The following UBE2D2 variants were observed in gnomAD, a reference collection of about 807,000 sequenced individuals.
UBE2D2 encodes ubiquitin conjugating enzyme E2 D2.
In UBE2D2, 2 loss-of-function variants were observed where a neutral mutation model predicts 24.2. That is an observed-to-expected ratio of 0.08 (90% CI 0.03 to 0.26). The LOEUF is 0.26. Ranked by LOEUF, UBE2D2 falls within the 10% of genes least tolerant of loss-of-function variation. The probability of loss-of-function intolerance (pLI) is 1.00; values close to 1 mark genes in which losing one functional copy is unlikely to be tolerated. For missense variants in UBE2D2, 44 were observed against 177.6 expected, an observed-to-expected ratio of 0.25 and a Z score of 4.28; for synonymous variants, 58 against 56.5, an observed-to-expected ratio of 1.03 and a Z score of -0.12.
chr5:139,573,097 C>T (rs1311695184), intron 1 of UBE2D2, among the ~76,000 whole-genome samples: 3 of 151,964 alleles, frequency 2.0e-5, no homozygotes, highest in South Asian at 2.1e-4. Flanking sequence ...GTCAGGAGAT[C>T]GAGACCATCC....
intron 6 of UBE2D2, 38 bp downstream of exon 6, chr5:139,623,499 G>T (rs781331002): frequency 6.6e-7 from 1 of 1,520,054 alleles, no homozygotes; most frequent in Non-Finnish European, 9.1e-7. Context: ...ATCTGTGGTG[G>T]GATGGAGATG....
chr5:139,605,999 T>A (rs1302783170), intron 2 of UBE2D2, among the ~76,000 whole-genome samples: 1 of 152,118 alleles, frequency 6.6e-6, no homozygotes, highest in Non-Finnish European at 1.5e-5. Flanking sequence ...TGCCTCTGCC[T>A]CCCAAAGCCC....
intron 1 of UBE2D2, among the ~76,000 whole-genome samples, chr5:139,548,325 T>C (rs1752865957): frequency 2.6e-5 from 4 of 151,864 alleles, no homozygotes; most frequent in Admixed American, 2.6e-4. Context: ...CTATAAGATA[T>C]AGAGGAAGGT....
At chr5:139,537,285 GT>G (rs1366167608) in intron 1 of UBE2D2, among the ~76,000 whole-genome samples, 1 of 151,784 alleles carries the variant, frequency 6.6e-6, no homozygotes, top group East Asian at 1.9e-4. Flanking sequence ...ATTTTTAATA[GT>G]TTTTTGAAGC....
chr5:139,592,749 C>T (rs1313824976), intron 1 of UBE2D2, among the ~76,000 whole-genome samples: 3 of 147,740 alleles, frequency 2.0e-5, no homozygotes, highest in South Asian at 2.2e-4. Context: ...ACTACAGGCA[C>T]GTGCCACGAT....
intron 1 of UBE2D2, among the ~76,000 whole-genome samples, chr5:139,595,749 A>G (rs933007451): frequency 4.6e-5 from 7 of 152,158 alleles, no homozygotes; most frequent in Admixed American, 2.0e-4. Flanking sequence ...TTTATTTTTC[A>G]AATGGGCAAT....
chr5:139,574,090 T>C (rs975424404), intron 1 of UBE2D2, among the ~76,000 whole-genome samples: 2 of 151,628 alleles, frequency 1.3e-5, no homozygotes, highest in Non-Finnish European at 1.5e-5. Context: ...TCTCTCTTTT[T>C]TTTTTTTGAG....
At chr5:139,609,728 TTTTTTC>T (rs946981084) in intron 2 of UBE2D2, among the ~76,000 whole-genome samples, 30 of 151,294 alleles carry the variant, frequency 2.0e-4, no homozygotes, top group African/African-American at 7.2e-4. Flanking sequence ...CTTTCTTTCT[TTTTTTC>T]TTTTTTAAGT....
At chr5:139,580,401 G>A (rs758261726) in intron 1 of UBE2D2, among the ~76,000 whole-genome samples, 1 of 152,064 alleles carries the variant, frequency 6.6e-6, no homozygotes, top group Non-Finnish European at 1.5e-5. Context: ...AGAGTGGATG[G>A]CTTGAGTCCA....
At chr5:139,562,266 G>A (rs189670424) in intron 1 of UBE2D2, 28 of 1,358,842 alleles carry the variant, frequency 2.1e-5, no homozygotes, top group Admixed American at 7.6e-5. Flanking sequence ...AACCGCCTGA[G>A]CTCGGGCTGA....
intron 1 of UBE2D2, among the ~76,000 whole-genome samples, chr5:139,584,901 CT>C (rs113991993): frequency 2.7e-3 from 351 of 129,550 alleles, no homozygotes; most frequent in Admixed American, 4.6e-3. Context: ...TATAAACTAA[CT>C]TTTTTTTTTT....
intron 1 of UBE2D2, among the ~76,000 whole-genome samples, chr5:139,542,138 G>A (rs80355109): frequency 1.3e-5 from 2 of 152,296 alleles, no homozygotes; most frequent in Non-Finnish European, 2.9e-5. Flanking sequence ...AGTGAGCTGA[G>A]ATGGTGTCAC....
At chr5:139,570,670 C>A (rs1236336034) in intron 1 of UBE2D2, among the ~76,000 whole-genome samples, 1 of 152,138 alleles carries the variant, frequency 6.6e-6, no homozygotes, top group Non-Finnish European at 1.5e-5. Context: ...TGCCATGATG[C>A]CCAGCTAATT....
chr5:139,592,997 T>G (rs919540105), intron 1 of UBE2D2, among the ~76,000 whole-genome samples: 8 of 101,742 alleles, frequency 7.9e-5, no homozygotes, highest in African/African-American at 3.7e-4. Context: ...TCTTTTTTCC[T>G]TTTTTTTTTT....
chr5:139,531,054 T>C (rs1752591131), intron 1 of UBE2D2, among the ~76,000 whole-genome samples: 1 of 152,064 alleles, frequency 6.6e-6, no homozygotes, highest in Admixed American at 6.5e-5. Context: ...GAACTCCCAC[T>C]AATAAAAAGT....
At chr5:139,540,193 A>G (rs1233027915) in intron 1 of UBE2D2, among the ~76,000 whole-genome samples, 2 of 152,314 alleles carry the variant, frequency 1.3e-5, no homozygotes, top group African/African-American at 4.8e-5. Flanking sequence ...TGCTGGGATT[A>G]CAGCCATGAG....
chr5:139,567,556 T>G (rs982444575), intron 1 of UBE2D2, among the ~76,000 whole-genome samples: 1 of 125,762 alleles, frequency 8.0e-6, no homozygotes, highest in African/African-American at 3.4e-5. Flanking sequence ...TTTTTTGAGA[T>G]AGAGTCTCGC....
chr5:139,606,207 G>GCTGGAGT (rs1247940587), intron 2 of UBE2D2, among the ~76,000 whole-genome samples: 2 of 152,006 alleles, frequency 1.3e-5, no homozygotes, highest in African/African-American at 4.8e-5. Flanking sequence ...TGTTGCCCGG[G>GCTGGAGT]CTGGAGTGCA....
chr5:139,526,571 G>C (rs778289024), exon 1 of UBE2D2: 7 of 152,292 alleles, frequency 4.6e-5, no homozygotes, highest in Admixed American at 2.6e-4. Flanking sequence ...GCTGAACACC[G>C]GGAAGGAACT....
Sources: allele counts gnomAD v4.1 joint callset (sites outside exome capture counted in the v4.1 genomes callset), GRCh38; gene constraint gnomAD v4.1.1; transcripts MANE v1.5; gene names NCBI Gene and HGNC (gene_info 2026-07-23, HGNC 2026-07-21).